Variants in HNF4A observed in about 807,000 individuals in gnomAD.
The protein encoded by HNF4A is hepatocyte nuclear factor 4 alpha, also known as hepatocyte nuclear factor 4-alpha.
A neutral mutation model predicts 52.4 loss-of-function variants in HNF4A; 15 were observed. That is an observed-to-expected ratio of 0.29 (90% confidence interval 0.19 to 0.44). The LOEUF is 0.44. Ranked by LOEUF, HNF4A falls within the 20% of genes least tolerant of loss-of-function variation. The pLI is 1.00. For missense variants in HNF4A, 479 were observed against 647.2 expected (o/e 0.74, Z 2.82); for synonymous variants, 280 against 264.4 (o/e 1.06, Z -0.57).
At chr20:44,412,451 A>G (rs553495008) in intron 3 of HNF4A, among the ~76,000 whole-genome samples, 38 of 152,234 alleles carry the variant, frequency 2.5e-4, no homozygotes, top group Non-Finnish European at 4.4e-4. Flanking sequence ...AGCAGCCTAC[A>G]AGCGTGCGGA....
chr20:44,387,655 C>CGGGGGGGGG (rs1212441244), intron 1 of HNF4A, among the ~76,000 whole-genome samples: 4 of 8,618 alleles, frequency 4.6e-4, no homozygotes, highest in African/African-American at 5.2e-4. Context: ...TGGAGGCAGG[C>CGGGGGGGGG]GGGGGGGGGG....
chr20:44,427,077 T>G (rs1272503733), intron 8 of HNF4A, among the ~76,000 whole-genome samples: 2 of 152,220 alleles, frequency 1.3e-5, no homozygotes, highest in East Asian at 3.8e-4. Flanking sequence ...GTCCTGTACA[T>G]TGTTCAGCTG....
intron 8 of HNF4A, among the ~76,000 whole-genome samples, chr20:44,424,881 T>G (rs905892127): frequency 3.9e-5 from 6 of 152,180 alleles, no homozygotes; most frequent in African/African-American, 1.4e-4. Context: ...AAGATGGAGA[T>G]TGGGCAGAAA....
chr20:44,406,310 T>A (rs1268517010), intron 2 of HNF4A, 78 bp downstream of exon 2: 3 of 1,343,578 alleles, frequency 2.2e-6, no homozygotes, highest in African/African-American at 1.4e-5. Flanking sequence ...TCTCCCTGAG[T>A]GGGTAGGTCC....
intron 1 of HNF4A, among the ~76,000 whole-genome samples, chr20:44,381,548 G>C (rs546496311): frequency 6.6e-6 from 1 of 152,176 alleles, no homozygotes; most frequent in East Asian, 1.9e-4. Flanking sequence ...CCCCACAAGT[G>C]CTGAGATTAC....
chr20:44,412,811 G>A lies in HNF4A; in HGVS notation c.386-883G>A, dbSNP rs568741916. On this transcript the variant is annotated intron_variant, in intron 3 of 9. Transcript: ENST00000316099. ...CAGGCTTGATGCCAGTCCCTGAGAC[G>A]AGAAAGAGTGCAGGGAGCCGGCTGG... Among the ~76,000 whole-genome samples the A allele has an allele frequency of 9.9e-5, 15 of 152,270 alleles. 1 individual carries two copies. In the South Asian group the frequency reaches 2.9e-3, roughly 29 times the overall value.
At chr20:44,400,057 C>G (rs1446101027), upstream of HNF4A, among the ~76,000 whole-genome samples, 3 of 152,206 alleles carry the variant, frequency 2.0e-5, no homozygotes, top group African/African-American at 7.2e-5. Context: ...GCAATGAGGG[C>G]TGGAGGGAGT....
intron 1 of HNF4A, among the ~76,000 whole-genome samples, chr20:44,392,970 A>G (rs997342639): frequency 3.9e-5 from 6 of 152,258 alleles, no homozygotes; most frequent in Non-Finnish European, 8.8e-5. Context: ...CAACCTGCAC[A>G]ACTGTACAGG....
chr20:44,421,825 G>A (rs1394792652), intron 7 of HNF4A, among the ~76,000 whole-genome samples: 1 of 144,986 alleles, frequency 6.9e-6, no homozygotes, highest in Non-Finnish European at 1.5e-5. Flanking sequence ...GATATATATA[G>A]TATATAGTGA....
chr20:44,416,458 C>T (rs753054001), intron 5 of HNF4A, among the ~76,000 whole-genome samples: 1 of 152,246 alleles, frequency 6.6e-6, no homozygotes. Flanking sequence ...TCTTCCGCTT[C>T]GCGATGTGAA....
intron 1 of HNF4A, among the ~76,000 whole-genome samples, chr20:44,394,637 A>G (rs955988965): frequency 6.6e-6 from 1 of 152,154 alleles, no homozygotes; most frequent in Admixed American, 6.5e-5. Context: ...TAACAGAGCA[A>G]ATTTGCTCAG....
In HNF4A at chr20:44,419,698, TC is replaced by T. The variant is rs745649432; in HGVS notation, c.737-20del. 278 of 1,606,622 alleles carry T rather than the reference TC, an allele frequency of 1.7e-4. 2 individuals carry two copies. Among genetic ancestry groups the T allele is most frequent in the Non-Finnish European group, 2.3e-4 (275 of 1,174,868 alleles). On this transcript the variant is annotated intron_variant, in intron 6 of 9. Transcript: ENST00000316099. Reference sequence around the variant, plus strand: ...GTCAACCCAAGGTGACTTCCCATCCTCCCTCCCTCCCAACCCTTCCAGGCAA... The same window carrying T: ...GTCAACCCAAGGTGACTTCCCATCCTCCTCCCTCCCAACCCTTCCAGGCAA...
chr20:44,425,802 G>A (rs564030139), intron 8 of HNF4A, among the ~76,000 whole-genome samples: 12 of 151,996 alleles, frequency 7.9e-5, no homozygotes, highest in South Asian at 2.1e-4. Context: ...CTACAGGTGC[G>A]TGCCACCACA....
At position 44,358,632 on chromosome 20, in the gene HNF4A, A is replaced by T. The variant is rs77260013; in HGVS notation, c.49+2779A>T. Among the ~76,000 whole-genome samples, 641 of 109,002 alleles carry T rather than the reference A, an allele frequency of 5.9e-3. 5 individuals carry two copies. The highest frequency in any genetic ancestry group is 0.019 in the Middle Eastern group (3 of 156). 71.5% of individuals were successfully genotyped at this position (109,002 alleles called of 152,430 possible). On this transcript the variant is annotated intron_variant, in intron 1 of 9. Transcript: ENST00000316673. ...TCTCAAAAAAAACAAAACAAAACAA[A>T]AAAACAAAAAACAAACAAAAAATCT...
intron 1 of HNF4A, among the ~76,000 whole-genome samples, chr20:44,377,273 T>A (rs1384852127): frequency 6.6e-6 from 1 of 152,076 alleles, no homozygotes; most frequent in African/African-American, 2.4e-5. Context: ...CAATAGGCAC[T>A]GGAGAAACCA....
chr20:44,408,012 C>CTACA, intron 3 of HNF4A: 2 of 205,576 alleles, frequency 9.7e-6, no homozygotes, highest in South Asian at 1.9e-4. Flanking sequence ...AGACCCCAGA[C>CTACA]CCATCCTGGA....
intron 7 of HNF4A, among the ~76,000 whole-genome samples, chr20:44,421,736 A>G (rs959665041): frequency 6.7e-6 from 1 of 149,744 alleles, no homozygotes; most frequent in Non-Finnish European, 1.5e-5. Context: ...CCTGGGCAAC[A>G]AGAGCAAAAC....
chr20:44,371,564 C>T (rs1273585302), intron 1 of HNF4A, among the ~76,000 whole-genome samples: 1 of 152,176 alleles, frequency 6.6e-6, no homozygotes, highest in African/African-American at 2.4e-5. Context: ...GTGGCTCACA[C>T]CTGTAATCCC....
chr20:44,369,273 A>AAC (rs2063006441), intron 1 of HNF4A, among the ~76,000 whole-genome samples: 5 of 145,954 alleles, frequency 3.4e-5, no homozygotes, highest in Non-Finnish European at 5.9e-5. Flanking sequence ...AAAAAAAAAA[A>AAC]AAAAACTGGG....
Sources: gnomAD v4.1 joint callset for allele counts (sites outside exome capture counted in the v4.1 genomes callset) on GRCh38, gnomAD v4.1.1 for gene constraint, MANE v1.5 for transcripts, NCBI Gene and HGNC (gene_info 2026-07-23, HGNC 2026-07-21) for gene names.